The following MAN2B2 variants were observed in gnomAD, a reference collection of about 807,000 sequenced individuals.
MAN2B2 encodes the protein mannosidase alpha class 2B member 2, also known as epididymis-specific alpha-mannosidase.
Under a neutral mutation model 117.1 loss-of-function variants are expected in MAN2B2, and 106 were observed. The observed-to-expected ratio is 0.90, with a 90% CI of 0.77 to 1.06. The LOEUF (loss-of-function observed/expected upper bound fraction) is 1.06, where lower values mean the gene tolerates loss of function less well. MAN2B2 is among the 50% of genes least tolerant of loss of function. The probability of loss-of-function intolerance (pLI) is 0.00; values close to 1 mark genes in which losing one functional copy is unlikely to be tolerated. For missense variants in MAN2B2, 1,326 were observed against 1,381.4 expected, an observed-to-expected ratio of 0.96 and a Z score of 0.64; for synonymous variants, 544 against 595.1, an observed-to-expected ratio of 0.91 and a Z score of 1.25.
chr4:6,613,041 C>T (rs796435714), intron 15 of MAN2B2, among the ~76,000 whole-genome samples: 9 of 152,346 alleles, frequency 5.9e-5, no homozygotes, highest in African/African-American at 2.2e-4. Flanking sequence ...TCTGTCTTCC[C>T]CACTCAAAAG....
intron 3 of MAN2B2, among the ~76,000 whole-genome samples, chr4:6,584,386 A>T (rs1363549872): frequency 6.6e-6 from 1 of 152,228 alleles, no homozygotes; most frequent in African/African-American, 2.4e-5. Context: ...AGGCAGTAAA[A>T]GGAAGAGAGG....
chr4:6,593,745 G>A (rs571521719), intron 6 of MAN2B2, among the ~76,000 whole-genome samples: 3 of 152,386 alleles, frequency 2.0e-5, no homozygotes, highest in South Asian at 2.1e-4. Flanking sequence ...CCGGCACGTC[G>A]TGGCCATCGT....
intron 1 of MAN2B2, among the ~76,000 whole-genome samples, chr4:6,576,004 G>A (rs1726045487): frequency 1.3e-5 from 2 of 152,304 alleles, no homozygotes; most frequent in South Asian, 2.1e-4. Flanking sequence ...TTCCATTCAT[G>A]TAAGCACTCT....
rs896301202 is a variant in MAN2B2 at position 6,622,266 on chromosome 4, G to A, written c.*981G>A. The A allele has an allele frequency of 3.9e-5, 6 of 152,208 alleles. No homozygotes were observed. Among genetic ancestry groups the A allele is most frequent in the Admixed American group, 3.9e-4 (6 of 15,286 alleles). 9.4% of individuals were successfully genotyped at this position (152,208 alleles called of 1,614,324 possible). A position where few individuals can be genotyped will look rare whatever the true frequency, so the allele number is the denominator to read the frequency against. On this transcript the variant is annotated 3_prime_UTR_variant, in exon 19 of 19. Transcript: ENST00000285599. ...GACAAAGCACATTGGTGGTTGCCAG[G>A]TACTGGAGGAAGAGAGAAGAGGCAT...
At position 6,600,736 on chromosome 4, in the gene MAN2B2, G is replaced by A. The variant is rs763353568; in HGVS notation, c.1519G>A (p.Gly507Ser). 3.7e-6 allele frequency: 6 copies of A among 1,613,674 alleles called. No individual in the cohort carries two copies. Among genetic ancestry groups the A allele is most frequent in the Non-Finnish European group, 4.2e-6 (5 of 1,180,038 alleles). ...TGGAGTCCGCGTCACAGATGAGGCGGGCCACCCAGTGCCCTCGCAGGTATG... is the reference window on the plus strand; with the variant it reads ...TGGAGTCCGCGTCACAGATGAGGCGAGCCACCCAGTGCCCTCGCAGGTATG... ...FPGVRVTDEA[G>S]HPVPSQIQNS... The change falls in exon 10 of 19, where the codon GGC becomes AGC. Residue 507 changes from glycine to serine, a missense_variant. Coordinates refer to ENST00000285599, the MANE Select transcript of MAN2B2 (RefSeq NM_015274.3).
chr4:6,611,082 G>A lies in MAN2B2; in HGVS notation c.2371-4G>A, dbSNP rs376589771. ...CGGGCCTCTCGGACAATGCCTTCCC[G>A]CAGGTCATGCTCCACCGGCGGCTGT... On this transcript the variant is annotated splice_region_variant and splice_polypyrimidine_tract_variant and intron_variant, in intron 14 of 18. Transcript: ENST00000285599. 9.9e-6 allele frequency: 16 copies of A among 1,612,140 alleles called. No individual in the cohort carries two copies. Among genetic ancestry groups the A allele is most frequent in the South Asian group, 6.6e-5 (6 of 91,014 alleles).
At chr4:6,579,204 TCACCATCACCAC>T (rs1726268363) in intron 3 of MAN2B2, among the ~76,000 whole-genome samples, 1 of 25,718 alleles carries the variant, frequency 3.9e-5, no homozygotes, top group African/African-American at 1.3e-4. Context: ...ACCACCACCA[TCACCATCACCAC>T]CACCACCACC....
chr4:6,585,647 C>T (rs1726601269), intron 3 of MAN2B2, among the ~76,000 whole-genome samples: 1 of 152,192 alleles, frequency 6.6e-6, no homozygotes, highest in Non-Finnish European at 1.5e-5. Flanking sequence ...ATCTACAGCT[C>T]CTGTGGGTGA....
At chr4:6,598,481 T>A (rs1386995618) in intron 9 of MAN2B2, 127 bp downstream of exon 9, 1 of 1,031,938 alleles carries the variant, frequency 9.7e-7, no homozygotes, top group Admixed American at 2.7e-5. Flanking sequence ...CCCTTCCCCA[T>A]GGTGAGAGCT....
intron 17 of MAN2B2, 43 bp downstream of exon 17, chr4:6,617,535 A>T: frequency 6.2e-7 from 1 of 1,609,230 alleles, no homozygotes. Flanking sequence ...CCAGGGAAGC[A>T]AACCCTAGAT....
intron 2 of MAN2B2, 65 bp downstream of exon 2, chr4:6,576,789 A>C: frequency 6.3e-7 from 1 of 1,592,868 alleles, no homozygotes; most frequent in Non-Finnish European, 8.6e-7. Flanking sequence ...TGGAAAACTC[A>C]ATGGGGCAGT....
chr4:6,575,478 C>G (rs766746089), intron 1 of MAN2B2, 130 bp downstream of exon 1: 77 of 606,042 alleles, frequency 1.3e-4, no homozygotes, highest in Non-Finnish European at 2.0e-4. Flanking sequence ...CAGGACCCCA[C>G]GCTGCCATTG....
Position 6,600,631 on chromosome 4 carries a change from C to A in MAN2B2, c.1414C>A (p.Pro472Thr). Residue 472 changes from proline (P) to threonine (T), a missense_variant, in exon 10 of 19, where the codon CCT becomes ACT. Coordinates refer to ENST00000285599, the MANE Select transcript of MAN2B2 (RefSeq NM_015274.3). ...APMAASSDAGPAGHFASVYNP... is the reference protein window; with the variant it reads ...APMAASSDAGTAGHFASVYNP... ...CTCTTCTCTGTGTGCAGATGCAGGA[C>A]CTGCAGGACATTTTGCCTCGGTCTA... The A allele has an allele frequency of 6.2e-7, 1 of 1,613,828 alleles. No homozygotes were observed. Among genetic ancestry groups the A allele is most frequent in the South Asian group, 1.1e-5 (1 of 91,070 alleles).
chr4:6,604,973 C>T lies in MAN2B2; in HGVS notation c.1540-82C>T, dbSNP rs1419355819. 4 of 1,470,706 alleles carry T rather than the reference C, an allele frequency of 2.7e-6. No homozygotes were observed. In the Admixed American group the frequency reaches 6.0e-5, roughly 22 times the overall value. 91.1% of individuals were successfully genotyped at this position (1,470,706 alleles called of 1,614,324 possible). On this transcript the variant is annotated intron_variant, in intron 10 of 18. Transcript: ENST00000285599. ...GGATCCGAGAGATGGAAAGACACTG[C>T]TGCCTCAGCAAGTAGTGAGCACCCC...
intron 16 of MAN2B2, among the ~76,000 whole-genome samples, chr4:6,614,569 C>A (rs1711767224): frequency 6.6e-6 from 1 of 152,156 alleles, no homozygotes; most frequent in South Asian, 2.1e-4. Flanking sequence ...TGGCCCCCAG[C>A]CCTGTGACCC....
chr4:6,594,457 G>A lies in MAN2B2; in HGVS notation c.859-77G>A, dbSNP rs555221873. On this transcript the variant is annotated intron_variant, in intron 6 of 18. Coordinates refer to ENST00000285599, the MANE Select transcript of MAN2B2 (RefSeq NM_015274.3). ...GGAGACTGGGAGGGCAGCTGGTGGA[G>A]GGCAGCGATCGGCCCACCCCCACTG... The A allele has an allele frequency of 2.7e-4, 387 of 1,441,640 alleles. 3 individuals carry two copies. The highest frequency in any genetic ancestry group is 2.2e-3 in the South Asian group (185 of 85,804). The allele number at this position is 1,441,640 out of a possible 1,614,324, so 89.3% of individuals were successfully genotyped here.
chr4:6,577,784 C>A (rs1053705031), intron 2 of MAN2B2, among the ~76,000 whole-genome samples: 2 of 152,234 alleles, frequency 1.3e-5, no homozygotes, highest in Admixed American at 6.5e-5. Flanking sequence ...CCAGTGAAGA[C>A]CTGGACAGGA....
At chr4:6,595,187 C>T (rs185712427) in intron 7 of MAN2B2, among the ~76,000 whole-genome samples, 22 of 152,328 alleles carry the variant, frequency 1.4e-4, no homozygotes, top group African/African-American at 5.3e-4. Flanking sequence ...CTGGGTTGGC[C>T]ACCAGCAGCA....
chr4:6,603,189 A>C (rs184345796), intron 10 of MAN2B2, among the ~76,000 whole-genome samples: 3 of 152,246 alleles, frequency 2.0e-5, no homozygotes, highest in Admixed American at 2.0e-4. Context: ...GCTTTTGTCC[A>C]CACCACCCAG....
Sources: allele counts gnomAD v4.1 joint callset (sites outside exome capture counted in the v4.1 genomes callset), GRCh38; gene constraint gnomAD v4.1.1; transcripts MANE v1.5; gene names NCBI Gene and HGNC (gene_info 2026-07-23, HGNC 2026-07-21).